Variants in EXT1 observed in about 807,000 individuals in gnomAD.
EXT1 encodes exostosin glycosyltransferase 1, also known as exostosin-1.
Under a neutral mutation model 82.5 loss-of-function variants are expected in EXT1, and 20 were observed. The ratio of observed to expected loss-of-function variants is 0.24; its 90% CI spans 0.17 to 0.35. The LOEUF (loss-of-function observed/expected upper bound fraction) is 0.35. EXT1 is among the 10% of genes least tolerant of loss of function. The pLI, the probability that EXT1 is intolerant of heterozygous loss-of-function variation, is 1.00. For missense variants in EXT1, 757 were observed against 936.5 expected (o/e 0.81, Z 2.50); for synonymous variants, 348 against 350.8 (o/e 0.99, Z 0.09).
intron 1 of EXT1, among the ~76,000 whole-genome samples, chr8:118,073,131 A>G (rs1440846933): frequency 2.0e-5 from 3 of 152,242 alleles, no homozygotes; most frequent in African/African-American, 7.2e-5. Context: ...AGTCCACCAG[A>G]GGACAGAGGA....
intron 1 of EXT1, among the ~76,000 whole-genome samples, chr8:117,989,800 C>T (rs557385427): frequency 6.6e-6 from 1 of 152,286 alleles, no homozygotes; most frequent in Non-Finnish European, 1.5e-5. Flanking sequence ...CCAGAAGAGC[C>T]CCACTGCTTT....
At chr8:117,929,913 C>A (rs181510513) in intron 1 of EXT1, among the ~76,000 whole-genome samples, 1 of 152,166 alleles carries the variant, frequency 6.6e-6, no homozygotes, top group Non-Finnish European at 1.5e-5. Context: ...TTTGAGACCA[C>A]CCTGGCCAAC....
intron 1 of EXT1, among the ~76,000 whole-genome samples, chr8:117,990,172 A>T (rs938756131): frequency 6.6e-6 from 1 of 151,252 alleles, no homozygotes; most frequent in Non-Finnish European, 1.5e-5. Context: ...GACTCCGCCT[A>T]AAAAAAAAGA....
chr8:117,811,450 C>A (rs13281310), intron 8 of EXT1, among the ~76,000 whole-genome samples: 1 of 152,110 alleles, frequency 6.6e-6, no homozygotes, highest in Non-Finnish European at 1.5e-5. Flanking sequence ...TGCATCCCCC[C>A]ACCCTGGCCC....
chr8:118,087,032 CT>C (rs1289441672), intron 1 of EXT1, among the ~76,000 whole-genome samples: 2 of 152,200 alleles, frequency 1.3e-5, no homozygotes, highest in African/African-American at 4.8e-5. Flanking sequence ...GTTACTGCTT[CT>C]TTTATTCTTG....
chr8:117,891,805 C>CTTTTTT (rs33967253), intron 1 of EXT1, among the ~76,000 whole-genome samples: 1 of 121,074 alleles, frequency 8.3e-6, no homozygotes, highest in African/African-American at 3.1e-5. Context: ...TTTTTTCTTG[C>CTTTTTT]TTTTTTTTTT....
chr8:117,876,578 T>C (rs1186693492), intron 1 of EXT1, among the ~76,000 whole-genome samples: 1 of 152,216 alleles, frequency 6.6e-6, no homozygotes, highest in African/African-American at 2.4e-5. Flanking sequence ...AAGAATTTTC[T>C]ACCTGCTAGA....
intron 1 of EXT1, among the ~76,000 whole-genome samples, chr8:117,874,392 A>C (rs1465992672): frequency 6.6e-6 from 1 of 152,002 alleles, no homozygotes; most frequent in Non-Finnish European, 1.5e-5. Flanking sequence ...CCTGGCCAAC[A>C]TGGCGAAACC....
intron 1 of EXT1, among the ~76,000 whole-genome samples, chr8:118,044,148 A>T (rs1816581761): frequency 6.6e-6 from 1 of 152,080 alleles, no homozygotes; most frequent in Non-Finnish European, 1.5e-5. Flanking sequence ...TTTAGCTAAC[A>T]TTTTCTGTAC....
chr8:117,958,068 G>A (rs1814624404), intron 1 of EXT1, among the ~76,000 whole-genome samples: 2 of 152,030 alleles, frequency 1.3e-5, no homozygotes, highest in Non-Finnish European at 2.9e-5. Flanking sequence ...AGTATTTAAT[G>A]CCTTTAACAA....
intron 1 of EXT1, among the ~76,000 whole-genome samples, chr8:117,998,830 C>T (rs556119332): frequency 6.6e-6 from 1 of 152,300 alleles, no homozygotes; most frequent in Non-Finnish European, 1.5e-5. Flanking sequence ...TTACAGAAGT[C>T]AGCACTGCAT....
chr8:117,945,701 C>A (rs1348054856), intron 1 of EXT1, among the ~76,000 whole-genome samples: 2 of 152,004 alleles, frequency 1.3e-5, no homozygotes, highest in Non-Finnish European at 2.9e-5. Context: ...TGGGGTTTCA[C>A]CATGTTGGTG....
chr8:118,084,789 A>T (rs1414077148), intron 1 of EXT1, among the ~76,000 whole-genome samples: 2 of 152,104 alleles, frequency 1.3e-5, no homozygotes, highest in African/African-American at 4.8e-5. Flanking sequence ...AAGTCATTGA[A>T]CTCAAGTCTT....
chr8:118,102,130 G>A (rs1164672057), intron 1 of EXT1, among the ~76,000 whole-genome samples: 2 of 151,976 alleles, frequency 1.3e-5, no homozygotes, highest in African/African-American at 4.8e-5. Context: ...AGCCGGGTGT[G>A]GTGGTGGGTG....
At chr8:117,924,634 G>A (rs1813921195) in intron 1 of EXT1, among the ~76,000 whole-genome samples, 1 of 152,140 alleles carries the variant, frequency 6.6e-6, no homozygotes, top group African/African-American at 2.4e-5. Flanking sequence ...AGGTAAATAG[G>A]AAATTCAGAG....
At chr8:117,969,199 T>C (rs1009915226) in intron 1 of EXT1, among the ~76,000 whole-genome samples, 1 of 152,210 alleles carries the variant, frequency 6.6e-6, no homozygotes, top group African/African-American at 2.4e-5. Context: ...CAACTGAGAT[T>C]TGGTCCCTTC....
intron 1 of EXT1, among the ~76,000 whole-genome samples, chr8:118,064,921 C>T (rs183973308): frequency 2.8e-4 from 41 of 148,880 alleles, no homozygotes; most frequent in African/African-American, 8.9e-4. Context: ...GGGACAATCT[C>T]GGCTCACTGC....
chr8:118,062,357 C>T (rs1245805391), intron 1 of EXT1, among the ~76,000 whole-genome samples: 1 of 152,176 alleles, frequency 6.6e-6, no homozygotes, highest in African/African-American at 2.4e-5. Context: ...AGGTGATGGG[C>T]TTGCAGACAC....
At chr8:117,870,425 G>A (rs544654113) in intron 1 of EXT1, among the ~76,000 whole-genome samples, 2 of 152,324 alleles carry the variant, frequency 1.3e-5, no homozygotes, top group African/African-American at 4.8e-5. Context: ...CCTAGGCACA[G>A]GGGATACAAA....
Sources: allele counts gnomAD v4.1 joint callset (sites outside exome capture counted in the v4.1 genomes callset), GRCh38; gene constraint gnomAD v4.1.1; transcripts MANE v1.5; gene names NCBI Gene and HGNC (gene_info 2026-07-23, HGNC 2026-07-21).